Variants in RASGRF2 observed in about 807,000 individuals in gnomAD.
RASGRF2 encodes Ras protein specific guanine nucleotide releasing factor 2.
A neutral mutation model predicts 151.0 loss-of-function variants in RASGRF2; 76 were observed. That is an observed-to-expected ratio of 0.50 (90% CI 0.42 to 0.61). RASGRF2 has a LOEUF of 0.61. Ranked by LOEUF, RASGRF2 falls within the 20% of genes least tolerant of loss-of-function variation. RASGRF2 has a pLI of 0.00. For synonymous variants in RASGRF2, 504 were observed against 566.5 expected (o/e 0.89, Z 1.57); for missense variants, 1,148 against 1,564.6 (o/e 0.73, Z 4.49).
At chr5:81,066,689 G>A (rs1216389195) in intron 2 of RASGRF2, among the ~76,000 whole-genome samples, 1 of 152,178 alleles carries the variant, frequency 6.6e-6, no homozygotes, top group African/African-American at 2.4e-5. Flanking sequence ...TGGCTCGGAT[G>A]TGGCCAAATA....
chr5:81,211,909 G>T (rs1755637474), intron 22 of RASGRF2, among the ~76,000 whole-genome samples: 2 of 152,192 alleles, frequency 1.3e-5, no homozygotes, highest in African/African-American at 4.8e-5. Context: ...CTAACTGGGG[G>T]CAAGTGTTTT....
In RASGRF2 at chr5:80,960,649, G is replaced by A. The variant is rs1433141537; in HGVS notation, c.-90G>A. The A allele has an allele frequency of 2.9e-5, 35 of 1,199,632 alleles. No homozygotes were observed. The highest frequency in any genetic ancestry group is 3.7e-5 in the Non-Finnish European group (35 of 938,866). The allele number at this position is 1,199,632 out of a possible 1,614,324, so 74.3% of individuals were successfully genotyped here. On this transcript the variant is annotated 5_prime_UTR_variant, in exon 1 of 27. Transcript: ENST00000265080. This position sits in a 1 kb window ranked among gnomAD's most constrained non-coding sequence, Gnocchi z 5.5. ...GCGCCCTTCGCCGGCCGGGACCTGA[G>A]CGGTCGCGCCCTCGAGGGAGCCAGC...
rs770111183 is a variant in RASGRF2 at position 81,112,674 on chromosome 5, A to G, written c.1903A>G (p.Lys635Glu). ...ICFSKTLNSC[K>E]VPQIRYASVE... is the part of the protein sequence containing the mutation. ...CTTCAGTAAAACACTCAACTCCTGCAAAGTGCCCCAGATCCGTTATGCCAG... is the reference window on the plus strand; with the variant it reads ...CTTCAGTAAAACACTCAACTCCTGCGAAGTGCCCCAGATCCGTTATGCCAG... Residue 635 changes from lysine (K) to glutamate (E), a missense_variant, in exon 14 of 27, where the codon AAA becomes GAA. Physicochemically the swap from Lys to Glu is moderately conservative, Grantham distance 56. Around this residue, in one of 5 missense-constraint regions of RASGRF2, gnomAD observed 646 missense variants for 807.4 expected, o/e 0.80. Transcript: ENST00000265080. 1 of 1,614,238 alleles carries G rather than the reference A, an allele frequency of 6.2e-7. No individual in the cohort carries two copies. The highest frequency in any genetic ancestry group is 1.1e-5 in the South Asian group (1 of 91,086).
intron 9 of RASGRF2, chr5:81,087,914 C>T (rs898032818): frequency 1.3e-5 from 2 of 152,852 alleles, no homozygotes; most frequent in African/African-American, 4.8e-5. Context: ...AAGAACAAGA[C>T]AATGTTTTGT....
At chr5:81,104,630 T>C (rs1752794804) in intron 12 of RASGRF2, among the ~76,000 whole-genome samples, 1 of 152,196 alleles carries the variant, frequency 6.6e-6, no homozygotes, top group Admixed American at 6.5e-5. Context: ...AAGCCAGATA[T>C]ATTTTATATT....
rs1199602755 is a variant in RASGRF2, at chr5:81,227,611, CTG to C, written c.*1842_*1843del. On this transcript the variant is annotated 3_prime_UTR_variant, in exon 27 of 27. Coordinates refer to ENST00000265080, the MANE Select transcript of RASGRF2 (RefSeq NM_006909.3). Reference sequence around the variant, plus strand: ...GATTTATTTCTCAGTGCTCCAGAAACTGAGGGTTTGAAATAATATGTATCAGT... The same window carrying C: ...GATTTATTTCTCAGTGCTCCAGAAACAGGGTTTGAAATAATATGTATCAGT... 1 of 152,180 alleles carries C rather than the reference CTG, an allele frequency of 6.6e-6. No individual in the cohort carries two copies. Among genetic ancestry groups the C allele is most frequent in the Non-Finnish European group, 1.5e-5 (1 of 68,032 alleles). 9.4% of individuals were successfully genotyped at this position (152,180 alleles called of 1,614,324 possible). A position where few individuals can be genotyped will look rare whatever the true frequency, so the allele number is the denominator to read the frequency against.
chr5:80,981,867 A>G (rs1450340988), intron 1 of RASGRF2, among the ~76,000 whole-genome samples: 1 of 152,166 alleles, frequency 6.6e-6, no homozygotes, highest in Non-Finnish European at 1.5e-5. Flanking sequence ...CCTTTCTCAT[A>G]CTAAAAATTG....
intron 1 of RASGRF2, among the ~76,000 whole-genome samples, chr5:81,007,207 G>A (rs1426268642): frequency 6.6e-6 from 1 of 152,180 alleles, no homozygotes; most frequent in Non-Finnish European, 1.5e-5. Flanking sequence ...ACCTGCAGAA[G>A]GTGAAGGGGA....
chr5:80,971,298 T>G (rs1747923721), intron 1 of RASGRF2, among the ~76,000 whole-genome samples: 1 of 152,244 alleles, frequency 6.6e-6, no homozygotes, highest in Non-Finnish European at 1.5e-5. Context: ...TTTTGCCAGT[T>G]TTTGAACTTC....
chr5:81,180,198 T>C lies in RASGRF2; in HGVS notation c.2710T>C (p.Cys904Arg). The C allele has an allele frequency of 3.1e-6, 5 of 1,610,294 alleles. No individual in the cohort carries two copies. Among genetic ancestry groups the C allele is most frequent in the Non-Finnish European group, 4.2e-6 (5 of 1,176,778 alleles). ...PPGFNNTERT[C>R]DKEFIIRRTA... ...AGGCTTTAACAACACCGAGAGAACA[T>C]GTGATAAAGAGTTTATTATACGGAG... Residue 904 changes from cysteine (C) to arginine (R), a missense_variant, in exon 18 of 27, where the codon TGT becomes CGT. Cys to Arg is a radical substitution (Grantham distance 180, BLOSUM62 -3). This residue lies in a region of RASGRF2 where 646 missense variants were observed against 807.4 expected (regional missense o/e 0.80). Transcript: ENST00000265080.
chr5:81,220,142 T>C (rs1755827758), intron 26 of RASGRF2, among the ~76,000 whole-genome samples: 1 of 152,152 alleles, frequency 6.6e-6, no homozygotes, highest in Non-Finnish European at 1.5e-5. Flanking sequence ...AAGTGGATTA[T>C]TTTCTCCCTT....
chr5:81,011,752 CAA>C (rs10573749), intron 1 of RASGRF2, among the ~76,000 whole-genome samples: 77,350 of 147,112 alleles, frequency 0.53, 20,204 homozygotes, highest in Middle Eastern at 0.68. Flanking sequence ...AACAAACAAA[CAA>C]AAAAAAAAAA....
chr5:81,098,669 T>G (rs894836127), intron 12 of RASGRF2, among the ~76,000 whole-genome samples: 5 of 152,160 alleles, frequency 3.3e-5, no homozygotes, highest in Non-Finnish European at 7.4e-5. Flanking sequence ...GTATACTTAG[T>G]GATTTTGCTG....
At chr5:81,013,880 T>C (rs1410696141) in intron 1 of RASGRF2, among the ~76,000 whole-genome samples, 1 of 152,154 alleles carries the variant, frequency 6.6e-6, no homozygotes. Context: ...GCTGTTATCA[T>C]AGTACCCTGT....
chr5:80,988,492 A>G (rs2112255894), intron 1 of RASGRF2, among the ~76,000 whole-genome samples: 1 of 152,238 alleles, frequency 6.6e-6, no homozygotes, highest in East Asian at 1.9e-4. Flanking sequence ...AGTCATTGTT[A>G]TGTGTTTAAA....
intron 1 of RASGRF2, among the ~76,000 whole-genome samples, chr5:81,031,481 C>G (rs1262876283): frequency 6.6e-6 from 1 of 152,168 alleles, no homozygotes; most frequent in East Asian, 1.9e-4. Context: ...AACAAGAACT[C>G]AGGATTAAGA....
rs528206703 is a variant in RASGRF2 at position 81,062,055 on chromosome 5, A to C, written c.396-5977A>C. ...GAGATGAGATCTTACTATGTTGCTC[A>C]GGCTGGTCACTCCTGGCCTCAAGCT... On this transcript the variant is annotated intron_variant, in intron 2 of 26. Transcript: ENST00000265080. 3.3e-5 allele frequency among the ~76,000 whole-genome samples: 5 copies of C among 150,554 alleles called. No individual in the cohort carries two copies. In the East Asian group the frequency reaches 9.8e-4, roughly 29 times the overall value.
At chr5:81,156,649 A>G (rs1220012184) in intron 17 of RASGRF2, among the ~76,000 whole-genome samples, 1 of 152,234 alleles carries the variant, frequency 6.6e-6, no homozygotes, top group African/African-American at 2.4e-5. Flanking sequence ...CCCATTCAAT[A>G]AAGTAGGAAT....
At chr5:81,197,188 G>A (rs1300083839) in intron 18 of RASGRF2, among the ~76,000 whole-genome samples, 4 of 152,032 alleles carry the variant, frequency 2.6e-5, no homozygotes, top group Non-Finnish European at 4.4e-5. Context: ...CGGGCGCGGT[G>A]GCTCACGCCT....
Sources: gnomAD v4.1 joint callset for allele counts (sites outside exome capture counted in the v4.1 genomes callset) on GRCh38, gnomAD v4.1.1 for gene constraint, gnomAD v4.1.1 regional missense constraint, Gnocchi (gnomAD v3.1) non-coding constraint, MANE v1.5 for transcripts, NCBI Gene and HGNC (gene_info 2026-07-23, HGNC 2026-07-21) for gene names.